The following ABCA12 variants were observed in gnomAD, a reference collection of about 807,000 sequenced individuals.
The protein encoded by ABCA12 is ATP binding cassette subfamily A member 12, also known as glucosylceramide transporter ABCA12.
In ABCA12, 156 loss-of-function variants were observed where a neutral mutation model predicts 293.5. That is an observed-to-expected ratio of 0.53 (90% CI 0.47 to 0.61). ABCA12 has a LOEUF of 0.61. Among genes scored for constraint, ABCA12 ranks in the 20% least tolerant of loss-of-function variants. ABCA12 has a pLI of 0.00. For missense variants in ABCA12, 2,797 were observed against 3,090.2 expected (o/e 0.91, Z 2.25); for synonymous variants, 1,063 against 1,108.0 (o/e 0.96, Z 0.81).
intron 30 of ABCA12, among the ~76,000 whole-genome samples, chr2:214,981,287 T>C (rs1213940051): frequency 6.6e-6 from 1 of 152,170 alleles, no homozygotes; most frequent in Non-Finnish European, 1.5e-5. Flanking sequence ...GGGTTCATTT[T>C]GCATTGTTTT....
In ABCA12 at chr2:214,986,574, C is replaced by T. The variant is rs1699791689; in HGVS notation, c.4131G>A (p.Leu1377=). Residue 1377 remains leucine (L), a synonymous_variant, in exon 28 of 53, where the codon CTG becomes CTA. Transcript: ENST00000272895. The part of the protein sequence containing the change: ...NFYEGHITSL[L]GPNGAGKTTT... Reference sequence around the variant, plus strand: ...TAGTTTTCCCAGCTCCATTGGGCCCCAGCAATGAAGTAATATGCCCTTCAT... The same window carrying T: ...TAGTTTTCCCAGCTCCATTGGGCCCTAGCAATGAAGTAATATGCCCTTCAT... 6.2e-7 allele frequency: 1 copy of T among 1,613,896 alleles called. No homozygotes were observed. Among genetic ancestry groups the T allele is most frequent in the Admixed American group, 1.7e-5 (1 of 59,990 alleles).
chr2:214,993,158 A>T (rs1372565818), intron 23 of ABCA12, among the ~76,000 whole-genome samples: 3 of 152,178 alleles, frequency 2.0e-5, no homozygotes, highest in Non-Finnish European at 4.4e-5. Context: ...ACTAATCACC[A>T]CTGAGAAAGA....
chr2:215,024,855 G>T (rs1700703630), intron 11 of ABCA12, among the ~76,000 whole-genome samples: 1 of 152,084 alleles, frequency 6.6e-6, no homozygotes, highest in South Asian at 2.1e-4. Flanking sequence ...TAAATTTCAT[G>T]ATAACCTGTA....
intron 11 of ABCA12, 46 bp from the exon 12 acceptor site, chr2:215,019,842 T>C: frequency 6.3e-7 from 1 of 1,596,502 alleles, no homozygotes; most frequent in South Asian, 1.1e-5. Context: ...GTTACATTTT[T>C]CTACATATAT....
At chr2:215,034,805 T>C (rs1159487662) in intron 8 of ABCA12, among the ~76,000 whole-genome samples, 1 of 152,188 alleles carries the variant, frequency 6.6e-6, no homozygotes. Flanking sequence ...GATACTAAAG[T>C]ACTGAGCATT....
rs1468656119 is a variant in ABCA12 at position 215,017,884 on chromosome 2, G to A, written c.1782+124C>T. 4.4e-6 allele frequency: 6 copies of A among 1,375,994 alleles called. No homozygotes were observed. The South Asian group carries it at 6.2e-5, about 14-fold the overall frequency. The allele number at this position is 1,375,994 out of a possible 1,614,324, so 85.2% of individuals were successfully genotyped here. A position where few individuals can be genotyped will look rare whatever the true frequency, so the allele number is the denominator to read the frequency against. ...AATGAGGCCTCCAGGTTTATCACTT[G>A]CATAGAAAATTCACCAGATTAGCAT... On this transcript the variant is annotated intron_variant, in intron 14 of 52. Coordinates refer to ENST00000272895, the MANE Select transcript of ABCA12 (RefSeq NM_173076.3).
intron 3 of ABCA12, among the ~76,000 whole-genome samples, chr2:215,061,733 T>C (rs1211816676): frequency 1.4e-5 from 2 of 147,558 alleles, no homozygotes; most frequent in East Asian, 4.3e-4. Context: ...ATAAACTACC[T>C]GGAGGTAAAA....
chr2:215,042,637 T>C (rs1330475297), intron 7 of ABCA12, among the ~76,000 whole-genome samples: 1 of 152,192 alleles, frequency 6.6e-6, no homozygotes. Context: ...ATACAATGTG[T>C]AAAGCTCAAA....
At chr2:214,979,462 T>C (rs1373630196) in intron 31 of ABCA12, among the ~76,000 whole-genome samples, 1 of 152,056 alleles carries the variant, frequency 6.6e-6, no homozygotes, top group Non-Finnish European at 1.5e-5. Flanking sequence ...ACTTAAATAT[T>C]GCCCCACTTG....
At chr2:215,070,376 C>A (rs1331334408) in intron 2 of ABCA12, among the ~76,000 whole-genome samples, 1 of 151,692 alleles carries the variant, frequency 6.6e-6, no homozygotes, top group Non-Finnish European at 1.5e-5. Flanking sequence ...AATCGTTCAT[C>A]TTTTTTTTAA....
At chr2:215,047,175 T>C (rs1701220474) in intron 6 of ABCA12, among the ~76,000 whole-genome samples, 1 of 152,188 alleles carries the variant, frequency 6.6e-6, no homozygotes, top group African/African-American at 2.4e-5. Flanking sequence ...CACCATGGCA[T>C]ACATTTACCT....
chr2:214,957,196 T>G (rs955272054), intron 41 of ABCA12, among the ~76,000 whole-genome samples: 8 of 152,230 alleles, frequency 5.3e-5, no homozygotes, highest in Non-Finnish European at 8.8e-5. Flanking sequence ...TGGTTATCAG[T>G]GTGAACCACT....
chr2:214,990,376 G>T (rs1393318594), intron 24 of ABCA12, among the ~76,000 whole-genome samples: 1 of 152,132 alleles, frequency 6.6e-6, no homozygotes, highest in Admixed American at 6.5e-5. Context: ...TCCAATACTA[G>T]AGGCTCCAAG....
chr2:215,023,111 T>TGCC (rs1700665961), intron 11 of ABCA12: 1 of 152,210 alleles, frequency 6.6e-6, no homozygotes, highest in Admixed American at 6.5e-5. Flanking sequence ...AGATTGGGTG[T>TGCC]GCCCTAACTG....
At chr2:214,964,879 A>G (rs1387869381) in intron 39 of ABCA12, among the ~76,000 whole-genome samples, 1 of 152,128 alleles carries the variant, frequency 6.6e-6, no homozygotes, top group Non-Finnish European at 1.5e-5. Context: ...AAAAAATTTT[A>G]AAATTCATAC....
intron 13 of ABCA12, 107 bp downstream of exon 13, chr2:215,019,229 A>G (rs183106151): frequency 1.6e-5 from 15 of 965,196 alleles, no homozygotes; most frequent in Non-Finnish European, 6.6e-6. Context: ...AAGGGCAGAT[A>G]GCAAAGCGAG....
Position 214,934,365 on chromosome 2 carries a change from C to T in ABCA12, c.7543-150G>A, listed in dbSNP as rs1698155166. ...TATAAATAACGAGTATATTTTGAAA[C>T]TAACAGCTTGCAAAGATGAGATGAA... On this transcript the variant is annotated intron_variant, in intron 51 of 52. Transcript: ENST00000272895. The T allele has an allele frequency of 1.5e-5, 14 of 928,262 alleles. No homozygotes were observed. The South Asian group carries it at 2.0e-4, about 13-fold the overall frequency. 57.5% of individuals were successfully genotyped at this position (928,262 alleles called of 1,614,324 possible). A position where few individuals can be genotyped will look rare whatever the true frequency, so the allele number is the denominator to read the frequency against.
rs748898438 is a variant in ABCA12 at position 215,050,674 on chromosome 2, T to C, written c.508-863A>G. 8 of 529,562 alleles carry C rather than the reference T, an allele frequency of 1.5e-5. No individual in the cohort carries two copies. The Admixed American group carries it at 5.1e-4, about 34-fold the overall frequency. 32.8% of individuals were successfully genotyped at this position (529,562 alleles called of 1,614,324 possible). ...ACAAAACCTACATGCTACCTTCTAG[T>C]GACTCAAATTCTAAAAGTAATGGAA... On this transcript the variant is annotated intron_variant, in intron 5 of 52. Coordinates refer to ENST00000272895, the MANE Select transcript of ABCA12 (RefSeq NM_173076.3).
chr2:214,974,906 C>T (rs770229428), intron 34 of ABCA12, 42 bp from the exon 35 acceptor site: 65 of 1,497,700 alleles, frequency 4.3e-5, no homozygotes, highest in Non-Finnish European at 5.9e-5. Context: ...GATTTTTCTA[C>T]TAGTCTCCCA....
Sources: allele counts gnomAD v4.1 joint callset (sites outside exome capture counted in the v4.1 genomes callset), GRCh38; gene constraint gnomAD v4.1.1; transcripts MANE v1.5; gene names NCBI Gene and HGNC (gene_info 2026-07-23, HGNC 2026-07-21).